The following MTM1 variants were observed in gnomAD, a reference collection of about 807,000 sequenced individuals.
MTM1 encodes myotubularin.
Under a neutral mutation model 52.1 loss-of-function variants are expected in MTM1, and 9 were observed. The ratio of observed to expected loss-of-function variants is 0.17; its 90% CI spans 0.10 to 0.30. The LOEUF is 0.30. Among genes scored for constraint, MTM1 ranks in the 10% least tolerant of loss-of-function variants. The pLI is 1.00. For synonymous variants in MTM1, 136 were observed against 163.8 expected, an observed-to-expected ratio of 0.83 and a Z score of 1.29; for missense variants, 277 against 470.7, an observed-to-expected ratio of 0.59 and a Z score of 3.81.
At chrX:150,611,142 A>G (rs1209446591) in intron 4 of MTM1, among the ~76,000 whole-genome samples, 5 of 112,035 alleles carry the variant, frequency 4.5e-5, no homozygotes, top group African/African-American at 1.6e-4. Flanking sequence ...ACCCCGTGAC[A>G]TTCCTCCTTA....
chrX:150,569,504 A>G (rs2038327966), intron 1 of MTM1, among the ~76,000 whole-genome samples: 1 of 112,484 alleles, frequency 8.9e-6, no homozygotes. Context: ...AAATTATAGC[A>G]TTTTAGAATT....
chrX:150,564,441 G>C (rs1300047503), upstream of MTM1, among the ~76,000 whole-genome samples: 1 of 111,600 alleles, frequency 9.0e-6, no homozygotes, highest in Non-Finnish European at 1.9e-5. Flanking sequence ...GGAGTGCAGT[G>C]GCACGATCTC....
chrX:150,634,367 AT>A (rs1367249552), intron 6 of MTM1, among the ~76,000 whole-genome samples: 2 of 112,287 alleles, frequency 1.8e-5, no homozygotes, highest in African/African-American at 6.5e-5. Context: ...TATAGGTGCC[AT>A]TTAAAAATAA....
intron 1 of MTM1, among the ~76,000 whole-genome samples, chrX:150,579,503 T>C (rs1450873451): frequency 9.0e-6 from 1 of 111,413 alleles, no homozygotes; most frequent in African/African-American, 3.3e-5. Context: ...ATTTTTAAAA[T>C]AAAGTTTTTT....
At chrX:150,586,782 C>T (rs1206574746) in intron 1 of MTM1, among the ~76,000 whole-genome samples, 2 of 109,229 alleles carry the variant, frequency 1.8e-5, no homozygotes, top group East Asian at 2.9e-4. Context: ...GGCATGGTGG[C>T]GCACATCTGT....
chrX:150,564,603 G>A (rs1368688037), upstream of MTM1, among the ~76,000 whole-genome samples: 1 of 111,085 alleles, frequency 9.0e-6, no homozygotes, highest in South Asian at 3.8e-4. Context: ...GGATGGTCTC[G>A]ATCTCTTGAC....
At chrX:150,630,851 A>G (rs1417844481) in intron 6 of MTM1, among the ~76,000 whole-genome samples, 2 of 111,987 alleles carry the variant, frequency 1.8e-5, no homozygotes, top group Admixed American at 1.9e-4. Context: ...ATTACAGCAC[A>G]AGGATACAAA....
Position 150,671,571 on chromosome X carries a change from G to T in MTM1, c.1788G>T (p.Met596Ile). 8.3e-7 allele frequency: 1 copy of T among 1,211,416 alleles called. No homozygotes were observed. Among genetic ancestry groups the T allele is most frequent in the Non-Finnish European group, 1.1e-6 (1 of 895,528 alleles). ...CACCTTCCAGTCCTTCGCAAATGAT[G>T]CCCCATGTGCAAACTCACTTCTGAG... The part of the protein sequence containing the change: ...PTSPSSPSQM[M>I]PHVQTHF The change falls in exon 15 of 15, where the codon ATG becomes ATT. Residue 596 changes from methionine to isoleucine, a missense_variant. Coordinates refer to ENST00000370396, the MANE Select transcript of MTM1 (RefSeq NM_000252.3).
intron 4 of MTM1, among the ~76,000 whole-genome samples, chrX:150,603,798 T>C (rs782119265): frequency 1.7e-3 from 188 of 111,699 alleles, no homozygotes; most frequent in Middle Eastern, 4.6e-3. Context: ...ACCACAGACA[T>C]TCATGAGCTG....
At chrX:150,590,294 A>G (rs2038860832) in intron 1 of MTM1, among the ~76,000 whole-genome samples, 1 of 112,527 alleles carries the variant, frequency 8.9e-6, no homozygotes, top group African/African-American at 3.2e-5. Flanking sequence ...ACTTGATCCA[A>G]CTATTAACAG....
At chrX:150,632,143 G>C (rs1427713939) in intron 6 of MTM1, among the ~76,000 whole-genome samples, 1 of 111,906 alleles carries the variant, frequency 8.9e-6, no homozygotes, top group Non-Finnish European at 1.9e-5. Flanking sequence ...CTGTTTTCCT[G>C]GGTAATGCAA....
At position 150,660,360 on chromosome X, in the gene MTM1, T is replaced by C. The variant is rs782567193; in HGVS notation, c.1354-11T>C. The C allele has an allele frequency of 1.9e-6, 2 of 1,064,251 alleles. No homozygotes were observed. The highest frequency in any genetic ancestry group is 2.6e-6 in the Non-Finnish European group (2 of 761,667). The allele number at this position is 1,064,251 out of a possible 1,213,427, so 87.7% of individuals were successfully genotyped here. ...CAGTTTTTCATGCTTTGTTTGCTTGTTTTTGTTTAGTTCCCTACAGCTTTT... is the reference window on the plus strand; with the variant it reads ...CAGTTTTTCATGCTTTGTTTGCTTGCTTTTGTTTAGTTCCCTACAGCTTTT... On this transcript the variant is annotated splice_polypyrimidine_tract_variant and intron_variant, in intron 12 of 14. Transcript: ENST00000370396.
chrX:150,613,478 A>G (rs1402402327), intron 4 of MTM1, among the ~76,000 whole-genome samples: 1 of 111,992 alleles, frequency 8.9e-6, no homozygotes, highest in Non-Finnish European at 1.9e-5. Flanking sequence ...CTCTAGCTCC[A>G]TTGAACATCT....
intron 7 of MTM1, among the ~76,000 whole-genome samples, chrX:150,640,022 A>C (rs1482946811): frequency 2.7e-5 from 3 of 111,397 alleles, no homozygotes; most frequent in Non-Finnish European, 1.9e-5. Context: ...CATATGTGAC[A>C]TAGTATATCC....
At chrX:150,663,195 C>T (rs1557414770) in intron 13 of MTM1, among the ~76,000 whole-genome samples, 3 of 112,310 alleles carry the variant, frequency 2.7e-5, no homozygotes, top group Non-Finnish European at 3.8e-5. Flanking sequence ...CAGTATCCTG[C>T]GCCCCTGTCT....
chrX:150,569,729 C>G (rs782525178), intron 1 of MTM1, among the ~76,000 whole-genome samples: 66 of 112,025 alleles, frequency 5.9e-4, no homozygotes, highest in African/African-American at 2.0e-3. Context: ...ACCTTAGAGT[C>G]TTGAGACTGA....
At chrX:150,599,583 T>A (rs782684591) in intron 4 of MTM1, among the ~76,000 whole-genome samples, 1 of 112,542 alleles carries the variant, frequency 8.9e-6, no homozygotes, top group African/African-American at 3.2e-5. Flanking sequence ...TTTAGGACAG[T>A]TCTAATCTAG....
At chrX:150,592,136 A>G (rs1257483606) in intron 1 of MTM1, among the ~76,000 whole-genome samples, 3 of 112,340 alleles carry the variant, frequency 2.7e-5, no homozygotes, top group Non-Finnish European at 3.8e-5. Context: ...AACTGCCATC[A>G]TTTGGAGAAA....
At chrX:150,655,324 C>CA (rs782639017) in intron 10 of MTM1, among the ~76,000 whole-genome samples, 607 of 42,409 alleles carry the variant, frequency 0.014, 5 homozygotes, top group East Asian at 0.13. Context: ...GACTCTGTCT[C>CA]AAAAAAAAAA....
Sources: allele counts gnomAD v4.1 joint callset (sites outside exome capture counted in the v4.1 genomes callset), GRCh38; gene constraint gnomAD v4.1.1; transcripts MANE v1.5; gene names NCBI Gene and HGNC (gene_info 2026-07-23, HGNC 2026-07-21).